CREB5: variants seen among roughly 807,000 people sequenced by gnomAD.
CREB5 encodes the protein cAMP responsive element binding protein 5.
CREB5 carries 19 observed loss-of-function variants against 57.1 expected under a neutral mutation model. The observed-to-expected ratio is 0.33, with a 90% CI of 0.23 to 0.49. The LOEUF is 0.49. Ranked by LOEUF, CREB5 falls within the 20% of genes least tolerant of loss-of-function variation. The pLI is 0.99. For missense variants in CREB5, 579 were observed against 671.6 expected, an observed-to-expected ratio of 0.86 and a Z score of 1.52; for synonymous variants, 238 against 238.3, an observed-to-expected ratio of 1.00 and a Z score of 0.01.
In CREB5 at chr7:28,817,500, A is replaced by G. The variant is rs140912503; in HGVS notation, c.1255-571A>G. 2.8e-3 allele frequency among the ~76,000 whole-genome samples: 425 copies of G among 152,288 alleles called. 4 individuals carry two copies. The highest frequency in any genetic ancestry group is 4.8e-3 in the Non-Finnish European group (328 of 68,022). On this transcript the variant is annotated intron_variant, in intron 9 of 10. Coordinates refer to ENST00000357727, the MANE Select transcript of CREB5 (RefSeq NM_182898.4). ...AGATGAGTCAGCTTATTCTGATTGC[A>G]TTTCAGGTGGAAGCCACAAATCCTA...
Position 28,593,581 on chromosome 7 carries a change from C to T in CREB5, c.464+23044C>T, listed in dbSNP as rs76971928. On this transcript the variant is annotated intron_variant, in intron 5 of 10. Transcript: ENST00000357727. ...AATTTTATACACACATAGAAGATGC[C>T]TCCAGAAGAATGGTTGGTGTGCTCC... Among the ~76,000 whole-genome samples, 2,701 of 152,282 alleles carry T rather than the reference C, an allele frequency of 0.018. 124 individuals carry two copies. The East Asian group carries it at 0.19, about 11-fold the overall frequency.
chr7:28,458,320 A>C (rs980052757), intron 1 of CREB5, among the ~76,000 whole-genome samples: 10 of 152,352 alleles, frequency 6.6e-5, no homozygotes, highest in Middle Eastern at 3.4e-3. Context: ...TTGTGATTCC[A>C]AATGTGGCTT....
rs900567068 is a variant in CREB5 at position 28,585,880 on chromosome 7, C to G, written c.464+15343C>G. Among the ~76,000 whole-genome samples, 43 of 152,184 alleles carry G rather than the reference C, an allele frequency of 2.8e-4. 1 individual carries two copies. The highest frequency in any genetic ancestry group is 3.9e-4 in the Admixed American group (6 of 15,278). On this transcript the variant is annotated intron_variant, in intron 5 of 10. Coordinates refer to ENST00000357727, the MANE Select transcript of CREB5 (RefSeq NM_182898.4). ...GCGGTCGGAACTAGGTTAACGATTA[C>G]TTGAACATTTGAAAATTTAATACTT... is the stretch of plus-strand genomic sequence containing the variant.
rs890316845 is a variant in CREB5 at position 28,805,998 on chromosome 7, T to C, written c.1026+1476T>C. Among the ~76,000 whole-genome samples the C allele has an allele frequency of 3.3e-5, 5 of 151,866 alleles. No individual in the cohort carries two copies. In the East Asian group the frequency reaches 9.7e-4, roughly 29 times the overall value. ...TTTAGTCAAACGCCATACTAGAACA[T>C]GTATTTAGAAAGAAAAAAAAAAACT... On this transcript the variant is annotated intron_variant, in intron 8 of 10. Coordinates refer to ENST00000357727, the MANE Select transcript of CREB5 (RefSeq NM_182898.4).
chr7:28,515,870 TAA>T (rs5883145), intron 4 of CREB5, among the ~76,000 whole-genome samples: 28 of 142,016 alleles, frequency 2.0e-4, no homozygotes, highest in African/African-American at 6.4e-4. Flanking sequence ...TGAATGCATT[TAA>T]AAAAAAACAA....
At chr7:28,594,704 A>G (rs758990554) in intron 5 of CREB5, among the ~76,000 whole-genome samples, 1 of 152,208 alleles carries the variant, frequency 6.6e-6, no homozygotes, top group East Asian at 1.9e-4. Flanking sequence ...TGATTAAATT[A>G]AAGATAAAAA....
Position 28,452,124 on chromosome 7 carries a change from G to A in CREB5, c.4-36051G>A, listed in dbSNP as rs73075840. ...ATTTCTTTCTATCATGGATGTCAGC[G>A]TCACTGCAGAATCTCAGCACTTTGT... is the stretch of plus-strand genomic sequence containing the variant. On this transcript the variant is annotated intron_variant, in intron 1 of 10. Transcript: ENST00000357727. 6.4e-3 allele frequency among the ~76,000 whole-genome samples: 973 copies of A among 152,252 alleles called. 6 individuals carry two copies. Among genetic ancestry groups the A allele is most frequent in the Non-Finnish European group, 0.01 (714 of 68,022 alleles).
chr7:28,689,161 A>G (rs1390687554), intron 5 of CREB5, among the ~76,000 whole-genome samples: 1 of 152,114 alleles, frequency 6.6e-6, no homozygotes, highest in African/African-American at 2.4e-5. Flanking sequence ...ATAAGTATAC[A>G]TTTACATGCA....
intron 7 of CREB5, among the ~76,000 whole-genome samples, chr7:28,731,972 T>G (rs1318202405): frequency 6.6e-6 from 1 of 152,166 alleles, no homozygotes; most frequent in Non-Finnish European, 1.5e-5. Flanking sequence ...GTTTTGCTTG[T>G]CACCAACCCA....
intron 1 of CREB5, among the ~76,000 whole-genome samples, chr7:28,428,731 G>A (rs1328176334): frequency 6.6e-6 from 1 of 152,128 alleles, no homozygotes; most frequent in Non-Finnish European, 1.5e-5. Context: ...AGGAATTCAG[G>A]GAAGGGGTCT....
intron 3 of CREB5, among the ~76,000 whole-genome samples, chr7:28,495,980 G>T (rs2128599598): frequency 6.6e-6 from 1 of 152,308 alleles, no homozygotes; most frequent in Non-Finnish European, 1.5e-5. Flanking sequence ...TAGAAAAAGT[G>T]CAGGGACAGG....
intron 4 of CREB5, among the ~76,000 whole-genome samples, chr7:28,539,823 A>G (rs1794132964): frequency 6.6e-6 from 1 of 152,224 alleles, no homozygotes; most frequent in Non-Finnish European, 1.5e-5. Context: ...TGGGAACTCA[A>G]CAAATGGTGG....
At chr7:28,712,505 CAAA>C (rs1276322556) in intron 5 of CREB5, among the ~76,000 whole-genome samples, 1 of 73,300 alleles carries the variant, frequency 1.4e-5, no homozygotes, top group Non-Finnish European at 3.1e-5. Context: ...TGAAACTCCT[CAAA>C]AAAAAAAAAA....
intron 5 of CREB5, among the ~76,000 whole-genome samples, chr7:28,651,028 T>G (rs1050614383): frequency 1.8e-4 from 28 of 152,228 alleles, no homozygotes; most frequent in Admixed American, 8.5e-4. Flanking sequence ...GCAGTGGTAG[T>G]AAAAGGGAGA....
At chr7:28,742,489 C>G (rs948002911) in intron 7 of CREB5, among the ~76,000 whole-genome samples, 1 of 151,916 alleles carries the variant, frequency 6.6e-6, no homozygotes, top group African/African-American at 2.4e-5. Flanking sequence ...TGGCGTGAAC[C>G]TGGGAGGCGG....
chr7:28,607,788 TG>T (rs1797205054), intron 5 of CREB5, among the ~76,000 whole-genome samples: 1 of 122,038 alleles, frequency 8.2e-6, no homozygotes, highest in African/African-American at 3.0e-5. Context: ...TGTGTGTGTG[TG>T]TGTGTTTTAC....
At chr7:28,366,521 A>G (rs1331390679) in intron 1 of CREB5, among the ~76,000 whole-genome samples, 2 of 152,330 alleles carry the variant, frequency 1.3e-5, no homozygotes, top group East Asian at 3.9e-4. Flanking sequence ...GCTCTGAGAA[A>G]TACTGTTTAT....
intron 10 of CREB5, chr7:28,818,894 A>G (rs752726607): frequency 2.0e-5 from 12 of 598,996 alleles, no homozygotes; most frequent in Non-Finnish European, 3.6e-5. Flanking sequence ...TTACTGATAC[A>G]GAAAGCATGG....
intron 7 of CREB5, among the ~76,000 whole-genome samples, chr7:28,753,882 T>A (rs1805125858): frequency 6.6e-6 from 1 of 151,826 alleles, no homozygotes; most frequent in South Asian, 2.1e-4. Context: ...CAAGAAAGAA[T>A]GAGAGAAGGT....
Sources: allele counts gnomAD v4.1 joint callset (sites outside exome capture counted in the v4.1 genomes callset), GRCh38; gene constraint gnomAD v4.1.1; transcripts MANE v1.5; gene names NCBI Gene and HGNC (gene_info 2026-07-23, HGNC 2026-07-21).